The following ACYP1 variants were observed in gnomAD, a reference collection of about 807,000 sequenced individuals.
ACYP1 encodes acylphosphatase-1.
In ACYP1, 8 loss-of-function variants were observed where a neutral mutation model predicts 10.4. The ratio of observed to expected loss-of-function variants is 0.77; its 90% CI spans 0.45 to 1.38. The LOEUF is 1.38. ACYP1 is among the 40% of genes most tolerant of loss of function. The pLI, the probability that ACYP1 is intolerant of heterozygous loss-of-function variation, is 0.00. For missense variants in ACYP1, 93 were observed against 117.3 expected (o/e 0.79, Z 0.96); for synonymous variants, 38 against 40.8 (o/e 0.93, Z 0.26).
chr14:75,059,231 G>A (rs1455160928), intron 2 of ACYP1, among the ~76,000 whole-genome samples: 3 of 150,942 alleles, frequency 2.0e-5, no homozygotes, highest in Admixed American at 6.6e-5. Context: ...CAGCAGCTGG[G>A]TGTGGTGGCT....
chr14:75,056,944 C>G (rs907804352), intron 2 of ACYP1, among the ~76,000 whole-genome samples: 1 of 151,536 alleles, frequency 6.6e-6, no homozygotes, highest in Non-Finnish European at 1.5e-5. Context: ...AACGTTCCCA[C>G]GAAGATCAGG....
chr14:75,061,959 G>T (rs886921531), intron 2 of ACYP1, among the ~76,000 whole-genome samples: 5 of 151,880 alleles, frequency 3.3e-5, no homozygotes, highest in Non-Finnish European at 2.9e-5. Context: ...AAATTAGCGG[G>T]GCATGGTGGC....
chr14:75,060,700 G>C lies in ACYP1; in HGVS notation c.84+2770C>G, dbSNP rs549397483. ...ACATGCTACAGTGTAGATAAACCTT[G>C]AAAACAATATGTTAAGTGAAAGGAG... On this transcript the variant is annotated intron_variant, in intron 2 of 2. Transcript: ENST00000238618. Among the ~76,000 whole-genome samples, 4 of 152,094 alleles carry C rather than the reference G, an allele frequency of 2.6e-5. No individual in the cohort carries two copies. The East Asian group carries it at 7.7e-4, about 29-fold the overall frequency.
At chr14:75,057,609 C>T (rs1297670293) in intron 2 of ACYP1, among the ~76,000 whole-genome samples, 1 of 151,336 alleles carries the variant, frequency 6.6e-6, no homozygotes, top group Non-Finnish European at 1.5e-5. Context: ...TACAAAGCTG[C>T]AGTAACTGAG....
intron 1 of ACYP1, 39 bp from the exon 2 acceptor site, chr14:75,063,600 TATTC>T: frequency 6.4e-7 from 1 of 1,557,404 alleles, no homozygotes; most frequent in South Asian, 1.1e-5. Context: ...GAAGGGCTAT[TATTC>T]CAGGACCCGC....
At chr14:75,053,751 A>G in intron 2 of ACYP1, 92 bp from the exon 3 acceptor site, 1 of 1,212,136 alleles carries the variant, frequency 8.2e-7, no homozygotes, top group Non-Finnish European at 1.2e-6. Flanking sequence ...CCTAGAATCA[A>G]GCCACTGAAA....
intron 2 of ACYP1, among the ~76,000 whole-genome samples, chr14:75,054,103 G>C (rs175513): frequency 0.99 from 150,693 of 152,360 alleles, 74,533 homozygotes; most frequent in East Asian, 1. Flanking sequence ...AGGACCACAC[G>C]TAAACAAATC....
intron 1 of ACYP1, 78 bp from the exon 2 acceptor site, chr14:75,063,639 C>G: frequency 8.5e-7 from 1 of 1,174,356 alleles, no homozygotes; most frequent in South Asian, 1.3e-5. Context: ...AAGGGCCACA[C>G]CCACCCCTGT....
In ACYP1 at chr14:75,063,589, T is replaced by C. The variant is rs575647267; in HGVS notation, c.-8-28A>G. 2.5e-6 allele frequency: 4 copies of C among 1,584,038 alleles called. No homozygotes were observed. The South Asian group carries it at 4.4e-5, about 18-fold the overall frequency. ...GTCAGAAACCAGGAAAGCAGAAGAG[T>C]GAAGGGCTATTATTCCAGGACCCGC... On this transcript the variant is annotated intron_variant, in intron 1 of 2. Coordinates refer to ENST00000238618, the MANE Select transcript of ACYP1 (RefSeq NM_001107.5).
At chr14:75,055,253 A>AT (rs1462657037) in intron 2 of ACYP1, among the ~76,000 whole-genome samples, 3 of 150,300 alleles carry the variant, frequency 2.0e-5, no homozygotes, top group Admixed American at 1.3e-4. Flanking sequence ...CTCCCGGCTA[A>AT]TTTTTTTGTA....
At chr14:75,064,703 C>T (rs1247815577), upstream of ACYP1, among the ~76,000 whole-genome samples, 1 of 152,158 alleles carries the variant, frequency 6.6e-6, no homozygotes, top group African/African-American at 2.4e-5. Context: ...CACTGCACTC[C>T]AGCCTGGGCA....
chr14:75,063,421 C>T (rs536349814), intron 2 of ACYP1, 49 bp downstream of exon 2: 1 of 1,500,386 alleles, frequency 6.7e-7, no homozygotes, highest in Non-Finnish European at 9.3e-7. Context: ...GTCCCTTGTT[C>T]CTATGCCCAC....
In ACYP1 at chr14:75,069,178, G is replaced by T. The variant is rs1441031255; in HGVS notation, c.82+32C>A. On this transcript the variant is annotated intron_variant, in intron 1 of 2. Coordinates refer to the ACYP1 transcript ENST00000555463. ...CAGCAAGTTCCAAAGCCTTGGCGAG[G>T]ACAAGCAAGGAGCGCGCGCGTGCAG... 2.0e-6 allele frequency: 3 copies of T among 1,513,946 alleles called. No individual in the cohort carries two copies. In the South Asian group the frequency reaches 3.6e-5, roughly 18 times the overall value. The allele number at this position is 1,513,946 out of a possible 1,614,324, so 93.8% of individuals were successfully genotyped here.
Position 75,053,250 on chromosome 14 carries a change from C to G in ACYP1, c.*194G>C, listed in dbSNP as rs926759791. 2 of 594,046 alleles carry G rather than the reference C, an allele frequency of 3.4e-6. No homozygotes were observed. The highest frequency in any genetic ancestry group is 3.7e-5 in the African/African-American group (2 of 53,628). The allele number at this position is 594,046 out of a possible 1,614,324, so 36.8% of individuals were successfully genotyped here. ...TTAAAAGTACTCTAAGCAGAAGGTTCTAACGTTTTTATTGATTAGATTTGT... is the reference window on the plus strand; with the variant it reads ...TTAAAAGTACTCTAAGCAGAAGGTTGTAACGTTTTTATTGATTAGATTTGT... On this transcript the variant is annotated 3_prime_UTR_variant, in exon 3 of 3. Transcript: ENST00000238618.
upstream of ACYP1, among the ~76,000 whole-genome samples, chr14:75,064,775 A>G (rs2139662298): frequency 6.6e-6 from 1 of 152,262 alleles, no homozygotes; most frequent in Middle Eastern, 3.4e-3. Context: ...CATCATAAAT[A>G]TGTTGAGTAG....
chr14:75,057,512 A>G (rs936720135), intron 2 of ACYP1, among the ~76,000 whole-genome samples: 1 of 151,520 alleles, frequency 6.6e-6, no homozygotes, highest in Admixed American at 6.6e-5. Flanking sequence ...TTTACATGGA[A>G]ACATAAGGGA....
intron 2 of ACYP1, among the ~76,000 whole-genome samples, chr14:75,061,302 A>C (rs1311829915): frequency 1.3e-5 from 2 of 152,164 alleles, no homozygotes; most frequent in African/African-American, 4.8e-5. Flanking sequence ...ATGGGATGTA[A>C]ATTATATTCC....
intron 2 of ACYP1, among the ~76,000 whole-genome samples, chr14:75,054,887 C>T (rs929321809): frequency 6.6e-6 from 1 of 151,382 alleles, no homozygotes. Flanking sequence ...TTGAGTAAGA[C>T]TCCGCATCCA....
At chr14:75,066,044 TC>T (rs1893137158), upstream of ACYP1, among the ~76,000 whole-genome samples, 1 of 152,132 alleles carries the variant, frequency 6.6e-6, no homozygotes, top group Admixed American at 6.5e-5. Context: ...AAAATGTTAA[TC>T]CTCAGGCCTC....
Sources: allele counts gnomAD v4.1 joint callset (sites outside exome capture counted in the v4.1 genomes callset), GRCh38; gene constraint gnomAD v4.1.1; transcripts MANE v1.5; gene names NCBI Gene and HGNC (gene_info 2026-07-23, HGNC 2026-07-21).